The following AUTS2 variants were observed in gnomAD, a reference collection of about 807,000 sequenced individuals.
AUTS2 encodes the protein autism susceptibility gene 2 protein.
A neutral mutation model predicts 112.4 loss-of-function variants in AUTS2; 17 were observed. That is an observed-to-expected ratio of 0.15 (90% confidence interval 0.10 to 0.23). The LOEUF is 0.23. Ranked by LOEUF, AUTS2 falls within the 10% of genes least tolerant of loss-of-function variation. The pLI is 1.00. For synonymous variants in AUTS2, 751 were observed against 702.7 expected (o/e 1.07, Z -1.09); for missense variants, 1,510 against 1,701.6 (o/e 0.89, Z 1.98).
intron 4 of AUTS2, among the ~76,000 whole-genome samples, chr7:70,229,341 AT>A (rs1811927753): frequency 6.6e-6 from 1 of 152,044 alleles, no homozygotes; most frequent in Non-Finnish European, 1.5e-5. Context: ...AGATACAGAA[AT>A]TTTGGTTGAC....
intron 4 of AUTS2, among the ~76,000 whole-genome samples, chr7:70,260,031 C>T (rs1452437774): frequency 6.6e-6 from 1 of 152,042 alleles, no homozygotes; most frequent in Non-Finnish European, 1.5e-5. Flanking sequence ...TATTTATTGC[C>T]TTAGTACATT....
chr7:69,720,271 C>G (rs932837123), intron 1 of AUTS2, among the ~76,000 whole-genome samples: 10 of 152,086 alleles, frequency 6.6e-5, no homozygotes, highest in African/African-American at 2.4e-4. Context: ...GGAATTATAG[C>G]CTTTCATAAT....
intron 1 of AUTS2, among the ~76,000 whole-genome samples, chr7:69,664,708 C>A (rs1340125766): frequency 6.6e-6 from 1 of 152,130 alleles, no homozygotes; most frequent in African/African-American, 2.4e-5. Flanking sequence ...CGCCCCAAAC[C>A]CCCTGTTCAG....
intron 2 of AUTS2, among the ~76,000 whole-genome samples, chr7:70,065,527 C>G (rs745684432): frequency 4.6e-5 from 7 of 151,972 alleles, no homozygotes; most frequent in Non-Finnish European, 1.0e-4. Flanking sequence ...AACCCCATCC[C>G]TACTGAAAAT....
At chr7:69,666,021 C>G (rs1796017247) in intron 1 of AUTS2, among the ~76,000 whole-genome samples, 1 of 152,152 alleles carries the variant, frequency 6.6e-6, no homozygotes, top group Non-Finnish European at 1.5e-5. Flanking sequence ...TTTAATAATA[C>G]AGTATTTTAT....
intron 5 of AUTS2, among the ~76,000 whole-genome samples, chr7:70,695,438 C>T (rs2129547018): frequency 6.6e-6 from 1 of 152,354 alleles, no homozygotes; most frequent in Admixed American, 6.5e-5. Flanking sequence ...AGGTCGGGAT[C>T]CCGGCCCGCA....
rs780512031 is a variant in AUTS2 at position 69,599,755 on chromosome 7, G to A, written c.102G>A (p.Ala34=). The change falls in exon 1 of 19, where the codon GCG becomes GCA. Residue 34 remains alanine, a synonymous_variant. Transcript: ENST00000342771. The surrounding 1 kb of genome is among the most constrained non-coding windows in gnomAD (Gnocchi z 7.0). ...RRSRGGLGAG[A]AGGGGAGRTR... Reference sequence around the variant, plus strand: ...CCCGGGGCGGGCTGGGGGCCGGCGCGGCCGGCGGCGGCGGGGCTGGCCGGA... The same window carrying A: ...CCCGGGGCGGGCTGGGGGCCGGCGCAGCCGGCGGCGGCGGGGCTGGCCGGA... The A allele has an allele frequency of 2.2e-6, 3 of 1,367,844 alleles. No homozygotes were observed. The South Asian group carries it at 5.7e-5, about 26-fold the overall frequency. The allele number at this position is 1,367,844 out of a possible 1,614,324, so 84.7% of individuals were successfully genotyped here. A position where few individuals can be genotyped will look rare whatever the true frequency, so the allele number is the denominator to read the frequency against.
chr7:70,135,034 C>A (rs1247420810), intron 4 of AUTS2, among the ~76,000 whole-genome samples: 1 of 151,952 alleles, frequency 6.6e-6, no homozygotes, highest in Admixed American at 6.6e-5. Context: ...GAATGTTTTC[C>A]CTCACAGTCT....
intron 4 of AUTS2, among the ~76,000 whole-genome samples, chr7:70,407,896 T>C (rs1794606153): frequency 6.6e-6 from 1 of 151,354 alleles, no homozygotes; most frequent in Non-Finnish European, 1.5e-5. Flanking sequence ...CTACTAAAAA[T>C]ACAAAAAATT....
intron 2 of AUTS2, among the ~76,000 whole-genome samples, chr7:70,011,374 T>A (rs1799800920): frequency 7.5e-6 from 1 of 133,020 alleles, no homozygotes; most frequent in Non-Finnish European, 1.6e-5. Flanking sequence ...CCCTCATTTT[T>A]CCCTTTTCTA....
At chr7:69,921,490 G>T (rs371344039) in intron 2 of AUTS2, among the ~76,000 whole-genome samples, 1 of 151,946 alleles carries the variant, frequency 6.6e-6, no homozygotes, top group African/African-American at 2.4e-5. Flanking sequence ...AACGTTGGCC[G>T]AGCATGGTGG....
chr7:69,684,032 G>C (rs1246160791), intron 1 of AUTS2, among the ~76,000 whole-genome samples: 1 of 152,198 alleles, frequency 6.6e-6, no homozygotes, highest in Non-Finnish European at 1.5e-5. Flanking sequence ...CCAGATCAGG[G>C]GATGCTTAAG....
chr7:69,666,721 G>A (rs1290910987), intron 1 of AUTS2, among the ~76,000 whole-genome samples: 7 of 152,098 alleles, frequency 4.6e-5, no homozygotes, highest in Admixed American at 4.6e-4. Context: ...AGGCAACATA[G>A]CAAGACTCCC....
chr7:70,223,875 T>TGG (rs2129593425), intron 4 of AUTS2, among the ~76,000 whole-genome samples: 1 of 151,162 alleles, frequency 6.6e-6, no homozygotes, highest in Admixed American at 6.6e-5. Flanking sequence ...TTTGGTTGGT[T>TGG]TGTTTCTTAG....
intron 5 of AUTS2, among the ~76,000 whole-genome samples, chr7:70,648,288 G>A (rs4718975): frequency 0.22 from 32,952 of 151,972 alleles, 4,182 homozygotes; most frequent in Non-Finnish European, 0.29. Flanking sequence ...CTGTGATGCC[G>A]TCAGCTCACT....
chr7:70,692,963 A>C (rs1808833865), intron 5 of AUTS2, among the ~76,000 whole-genome samples: 1 of 152,140 alleles, frequency 6.6e-6, no homozygotes, highest in Non-Finnish European at 1.5e-5. Flanking sequence ...TAACGGTGGC[A>C]CTGGGAGGGG....
At chr7:70,266,376 G>A (rs1787422838) in intron 4 of AUTS2, among the ~76,000 whole-genome samples, 1 of 152,138 alleles carries the variant, frequency 6.6e-6, no homozygotes, top group African/African-American at 2.4e-5. Flanking sequence ...GAAATGGGGA[G>A]TGATTGCTTA....
At chr7:70,595,976 T>C (rs889362098) in intron 5 of AUTS2, 81 of 150,082 alleles carry the variant, frequency 5.4e-4, no homozygotes, top group African/African-American at 1.9e-3. Flanking sequence ...CTGCGCGCTT[T>C]GCCTGCGCGC....
rs71077675 is a variant in AUTS2 at position 70,724,443 on chromosome 7, C to CTTTTTTTTTTTTTTTT, written c.742+25828_742+25843dup. Among the ~76,000 whole-genome samples the CTTTTTTTTTTTTTTTT allele has an allele frequency of 6.3e-4, 64 of 101,374 alleles. 5 individuals are homozygous for CTTTTTTTTTTTTTTTT. The highest frequency in any genetic ancestry group is 2.4e-3 in the East Asian group (6 of 2,518). The allele number at this position is 101,374 out of a possible 152,430, so 66.5% of individuals were successfully genotyped here. A position where few individuals can be genotyped will look rare whatever the true frequency, so the allele number is the denominator to read the frequency against. On this transcript the variant is annotated intron_variant, in intron 6 of 18. Coordinates refer to ENST00000342771, the MANE Select transcript of AUTS2 (RefSeq NM_015570.4). ...AAGAATGATTTTATTTTCATCCTGA[C>CTTTTTTTTTTTTTTTT]TTTTTTTTTTTTTTTTTTTTGAGAC...
Sources: gnomAD v4.1 joint callset for allele counts (sites outside exome capture counted in the v4.1 genomes callset) on GRCh38, gnomAD v4.1.1 for gene constraint, Gnocchi (gnomAD v3.1) non-coding constraint, MANE v1.5 for transcripts, NCBI Gene and HGNC (gene_info 2026-07-23, HGNC 2026-07-21) for gene names.